SPIDR: variants seen among roughly 807,000 people sequenced by gnomAD.
SPIDR encodes the protein scaffold protein involved in DNA repair.
SPIDR carries 93 observed loss-of-function variants against 104.6 expected under a neutral mutation model. That is an observed-to-expected ratio of 0.89 (90% CI 0.75 to 1.06). SPIDR has a LOEUF of 1.06. SPIDR is among the 50% of genes least tolerant of loss of function. The pLI is 0.00. For synonymous variants in SPIDR, 431 were observed against 416.9 expected (o/e 1.03, Z -0.41); for missense variants, 1,154 against 1,111.2 (o/e 1.04, Z -0.55).
At chr8:47,393,854 T>TTCCTTCCG (rs1403129577) in intron 5 of SPIDR, among the ~76,000 whole-genome samples, 60 of 151,036 alleles carry the variant, frequency 4.0e-4, no homozygotes, top group African/African-American at 1.4e-3. Context: ...CCTTCCTTCC[T>TTCCTTCCG]TCCTTCCGTC....
intron 8 of SPIDR, among the ~76,000 whole-genome samples, chr8:47,451,159 A>G (rs2071649848): frequency 6.6e-6 from 1 of 152,246 alleles, no homozygotes; most frequent in Non-Finnish European, 1.5e-5. Context: ...GGGAACCCAT[A>G]GATAAATAAC....
At chr8:47,351,501 A>G (rs2053503847) in intron 5 of SPIDR, among the ~76,000 whole-genome samples, 1 of 152,186 alleles carries the variant, frequency 6.6e-6, no homozygotes, top group Non-Finnish European at 1.5e-5. Context: ...AGGCTGGAGT[A>G]TGGGACCATA....
chr8:47,348,501 C>A (rs1428174900), intron 5 of SPIDR, among the ~76,000 whole-genome samples: 1 of 152,172 alleles, frequency 6.6e-6, no homozygotes, highest in East Asian at 1.9e-4. Context: ...ACCTGCCTTG[C>A]GAAGTTGGGG....
chr8:47,361,029 TAA>T, intron 5 of SPIDR: 1 of 954,216 alleles, frequency 1.0e-6, no homozygotes, highest in Non-Finnish European at 1.2e-6. Flanking sequence ...GTGATGCTGA[TAA>T]AAGTGTAAAA....
chr8:47,463,084 C>T (rs552758724), intron 8 of SPIDR, among the ~76,000 whole-genome samples: 8 of 151,980 alleles, frequency 5.3e-5, no homozygotes, highest in Non-Finnish European at 1.2e-4. Flanking sequence ...AATGGCCGGG[C>T]GCGGTGACTC....
At chr8:47,486,792 G>A (rs1057449303) in intron 8 of SPIDR, among the ~76,000 whole-genome samples, 7 of 152,128 alleles carry the variant, frequency 4.6e-5, no homozygotes, top group Non-Finnish European at 8.8e-5. Context: ...TTACAGACAA[G>A]CAAATGCTGA....
In SPIDR at chr8:47,313,924, C is replaced by T. The variant is rs587680031; in HGVS notation, c.525+19894C>T. Among the ~76,000 whole-genome samples, 65 of 152,244 alleles carry T rather than the reference C, an allele frequency of 4.3e-4. 1 individual carries two copies. Among genetic ancestry groups the T allele is most frequent in the Non-Finnish European group, 1.9e-4 (13 of 68,014 alleles). On this transcript the variant is annotated intron_variant, in intron 5 of 19. Coordinates refer to ENST00000297423, the MANE Select transcript of SPIDR (RefSeq NM_001080394.4). ...TCTAGCTAAGAAAATCTTTATACTA[C>T]AAGAAATGTTTAAGGAGATACTTCA...
At position 47,669,783 on chromosome 8, in the gene SPIDR, C is replaced by T. The variant is rs371249359; in HGVS notation, c.1545-4018C>T. On this transcript the variant is annotated intron_variant, in intron 10 of 19. Transcript: ENST00000297423. ...TTGGGAGGCCAAGGCGGGTGGATCA[C>T]GAGGTCAAGAGATGGAGACCATCTT... is the stretch of plus-strand genomic sequence containing the variant. Among the ~76,000 whole-genome samples, 18 of 152,240 alleles carry T rather than the reference C, an allele frequency of 1.2e-4. 1 individual carries two copies. Among genetic ancestry groups the T allele is most frequent in the Middle Eastern group, 3.4e-3 (1 of 294 alleles).
chr8:47,704,422 T>A (rs2080778576), intron 14 of SPIDR, among the ~76,000 whole-genome samples: 1 of 152,154 alleles, frequency 6.6e-6, no homozygotes, highest in East Asian at 1.9e-4. Context: ...CAAACCCTGG[T>A]GGAGCCTGGT....
chr8:47,539,719 C>T (rs2087724411), intron 8 of SPIDR, among the ~76,000 whole-genome samples: 1 of 150,704 alleles, frequency 6.6e-6, no homozygotes, highest in Non-Finnish European at 1.5e-5. Flanking sequence ...GCATACCTGA[C>T]AATCTTAAGG....
intron 7 of SPIDR, among the ~76,000 whole-genome samples, chr8:47,423,122 G>A (rs2065841068): frequency 6.6e-6 from 1 of 151,962 alleles, no homozygotes; most frequent in South Asian, 2.1e-4. Flanking sequence ...TGGCCAACAT[G>A]GTGAAACCCC....
chr8:47,389,365 A>G (rs1190724806), intron 5 of SPIDR, among the ~76,000 whole-genome samples: 1 of 152,174 alleles, frequency 6.6e-6, no homozygotes, highest in Non-Finnish European at 1.5e-5. Context: ...TGCGCAAAGT[A>G]ATTTTTTTTG....
chr8:47,348,615 T>G (rs2052713867), intron 5 of SPIDR, among the ~76,000 whole-genome samples: 1 of 152,246 alleles, frequency 6.6e-6, no homozygotes, highest in South Asian at 2.1e-4. Flanking sequence ...ATTTAGTGTT[T>G]TCACATAGTC....
chr8:47,683,236 T>G (rs1050302327), intron 11 of SPIDR, among the ~76,000 whole-genome samples: 5 of 152,256 alleles, frequency 3.3e-5, no homozygotes, highest in Non-Finnish European at 7.3e-5. Context: ...AAGTTCTGCT[T>G]TGACTACAGT....
chr8:47,680,657 C>A (rs2076981516), intron 11 of SPIDR, among the ~76,000 whole-genome samples: 1 of 152,206 alleles, frequency 6.6e-6, no homozygotes. Context: ...CACACACTTC[C>A]CTTGGGGTTT....
intron 5 of SPIDR, among the ~76,000 whole-genome samples, chr8:47,377,904 T>A (rs1167509097): frequency 6.6e-6 from 1 of 152,256 alleles, no homozygotes; most frequent in Non-Finnish European, 1.5e-5. Context: ...CTAGTTGTAC[T>A]TATATTACAA....
chr8:47,647,003 T>G (rs1190057506), intron 10 of SPIDR, among the ~76,000 whole-genome samples: 3 of 152,196 alleles, frequency 2.0e-5, no homozygotes, highest in Non-Finnish European at 4.4e-5. Context: ...TAAACGCTGT[T>G]CTTCTTCATG....
chr8:47,260,953 C>A lies in SPIDR; in HGVS notation c.-6C>A. The A allele has an allele frequency of 8.1e-7, 1 of 1,228,754 alleles. No homozygotes were observed. The highest frequency in any genetic ancestry group is 1.0e-6 in the Non-Finnish European group (1 of 985,706). The allele number at this position is 1,228,754 out of a possible 1,614,324, so 76.1% of individuals were successfully genotyped here. On this transcript the variant is annotated 5_prime_UTR_variant, in exon 1 of 20. Coordinates refer to ENST00000297423, the MANE Select transcript of SPIDR (RefSeq NM_001080394.4). ...GAGGCGGTGCGCTCAGGCGGCGCTC[C>A]CGGAGATGCCCCGCGGCAGCCGCGC...
At chr8:47,344,894 A>G (rs1380336214) in intron 5 of SPIDR, among the ~76,000 whole-genome samples, 1 of 152,200 alleles carries the variant, frequency 6.6e-6, no homozygotes, top group Non-Finnish European at 1.5e-5. Context: ...ATAGATTGCA[A>G]AAATTTTCTC....
Sources: gnomAD v4.1 joint callset for allele counts (sites outside exome capture counted in the v4.1 genomes callset) on GRCh38, gnomAD v4.1.1 for gene constraint, MANE v1.5 for transcripts, NCBI Gene and HGNC (gene_info 2026-07-23, HGNC 2026-07-21) for gene names.